GTF3C2: variants seen among roughly 807,000 people sequenced by gnomAD.
The protein encoded by GTF3C2 is general transcription factor 3C polypeptide 2.
Under a neutral mutation model 117.4 loss-of-function variants are expected in GTF3C2, and 17 were observed. The ratio of observed to expected loss-of-function variants is 0.14; its 90% CI spans 0.10 to 0.22. The LOEUF is 0.22. Among genes scored for constraint, GTF3C2 ranks in the 10% least tolerant of loss-of-function variants. GTF3C2 has a pLI of 1.00. For synonymous variants in GTF3C2, 437 were observed against 427.0 expected, an observed-to-expected ratio of 1.02 and a Z score of -0.29; for missense variants, 888 against 1,143.6, an observed-to-expected ratio of 0.78 and a Z score of 3.22.
At chr2:27,348,232 A>G (rs1337105748) in intron 1 of GTF3C2, among the ~76,000 whole-genome samples, 1 of 148,980 alleles carries the variant, frequency 6.7e-6, no homozygotes, top group African/African-American at 2.5e-5. Context: ...GTGCCATTGC[A>G]CTCCAGCCTG....
intron 1 of GTF3C2, chr2:27,350,526 G>A (rs986197174): frequency 6.0e-5 from 59 of 985,178 alleles, no homozygotes; most frequent in Non-Finnish European, 6.7e-5. Context: ...TGGGCTGGGC[G>A]CAGTGGCTCA....
chr2:27,328,398 A>G, intron 16 of GTF3C2, 70 bp downstream of exon 16: 1 of 1,523,098 alleles, frequency 6.6e-7, no homozygotes, highest in Non-Finnish European at 9.1e-7. Flanking sequence ...ACTAGTTTGT[A>G]CTCTACCAGA....
chr2:27,335,601 G>A (rs1306266659), exon 10 of GTF3C2: 10 of 1,520,384 alleles, frequency 6.6e-6, no homozygotes, highest in Non-Finnish European at 8.9e-6. Context: ...TACTCACCTG[G>A]GGGTTGCTGA....
At chr2:27,343,040 G>A in exon 3 of GTF3C2, 2 of 1,614,046 alleles carry the variant, frequency 1.2e-6, no homozygotes, top group Non-Finnish European at 1.7e-6. Flanking sequence ...GCTGATGGAG[G>A]ATTAGGCTGT....
chr2:27,355,976 A>T (rs960090048), intron 1 of GTF3C2: 20 of 601,574 alleles, frequency 3.3e-5, no homozygotes, highest in Admixed American at 7.6e-5. Context: ...CAATTTAAAG[A>T]GAACTATTCA....
chr2:27,343,081 C>T, exon 3 of GTF3C2: 1 of 1,612,786 alleles, frequency 6.2e-7, no homozygotes, highest in South Asian at 1.1e-5. Context: ...TCGTGTCCTA[C>T]CACCTCTCTT....
At chr2:27,355,863 T>G (rs944436370) in intron 1 of GTF3C2, among the ~76,000 whole-genome samples, 5 of 152,234 alleles carry the variant, frequency 3.3e-5, no homozygotes, top group African/African-American at 1.2e-4. Context: ...GACTAGTGCT[T>G]TTATTTCAAC....
intron 12 of GTF3C2, among the ~76,000 whole-genome samples, chr2:27,333,343 T>C (rs763079015): frequency 2.0e-5 from 3 of 151,118 alleles, no homozygotes; most frequent in Non-Finnish European, 4.4e-5. Context: ...TTGGTAGAGA[T>C]AGGGTTTCGC....
exon 5 of GTF3C2, chr2:27,337,939 G>C (rs759008988): frequency 6.3e-7 from 1 of 1,599,120 alleles, no homozygotes; most frequent in Non-Finnish European, 8.6e-7. Flanking sequence ...TCCTTGGTGA[G>C]ATGGAGGCAC....
intron 12 of GTF3C2, among the ~76,000 whole-genome samples, chr2:27,330,424 T>C (rs924036391): frequency 9.9e-5 from 15 of 151,006 alleles, no homozygotes; most frequent in African/African-American, 3.7e-4. Context: ...ATCACGCCAG[T>C]GCACTCCAGC....
rs1370658688 is a variant in GTF3C2 at position 27,334,019 on chromosome 2, G to C, written c.1577-20C>G. 1.3e-6 allele frequency: 2 copies of C among 1,599,444 alleles called. No homozygotes were observed. Among genetic ancestry groups the C allele is most frequent in the Non-Finnish European group, 1.7e-6 (2 of 1,167,346 alleles). On this transcript the variant is annotated intron_variant, in intron 10 of 18. Transcript: ENST00000264720. ...CTGCATCTGTGAGGAAAAAGAGCAG[G>C]AACTAACTCTATGGATCCCAAGGAC...
Position 27,337,346 on chromosome 2 carries a change from G to T in GTF3C2, c.1029-4C>A, listed in dbSNP as rs1306468022. 1.9e-6 allele frequency: 3 copies of T among 1,597,806 alleles called. No homozygotes were observed. The highest frequency in any genetic ancestry group is 2.6e-6 in the Non-Finnish European group (3 of 1,165,308). On this transcript the variant is annotated splice_polypyrimidine_tract_variant and splice_region_variant and intron_variant, in intron 6 of 18. Transcript: ENST00000264720. ...GGGCAGGTAGGGAGCGGCCTCACTG[G>T]GGGAAGACAAAGGGAACAGTCTAAA...
At chr2:27,327,030 G>GA in intron 18 of GTF3C2, 137 bp from the exon 19 acceptor site, 1 of 689,750 alleles carries the variant, frequency 1.4e-6, no homozygotes. Context: ...AGGTAAGAAT[G>GA]AAAAGCCAGT....
chr2:27,329,373 C>T lies in GTF3C2; in HGVS notation c.1877+6G>A. On this transcript the variant is annotated splice_donor_region_variant and intron_variant, in intron 13 of 18. Coordinates refer to ENST00000264720, the Ensembl canonical transcript of GTF3C2. The surrounding 1 kb of genome is among the most constrained non-coding windows in gnomAD (Gnocchi z 4.5). ...CTTCCCCCTCCACATACCTCCTATT[C>T]CATACCTGTTAGCTTTGCACCATTG... The T allele has an allele frequency of 6.2e-7, 1 of 1,614,152 alleles. No individual in the cohort carries two copies.
intron 1 of GTF3C2, among the ~76,000 whole-genome samples, chr2:27,352,026 C>A (rs1472536771): frequency 6.6e-6 from 1 of 152,210 alleles, no homozygotes; most frequent in Non-Finnish European, 1.5e-5. Context: ...GATCTCCCAT[C>A]ATTACAGCTA....
chr2:27,332,120 TAA>T (rs1680293101), intron 12 of GTF3C2, among the ~76,000 whole-genome samples: 1 of 152,146 alleles, frequency 6.6e-6, no homozygotes, highest in Non-Finnish European at 1.5e-5. Context: ...TCTATAAAAT[TAA>T]GATATAATTA....
At chr2:27,327,026 G>A in intron 18 of GTF3C2, 133 bp from the exon 19 acceptor site, 1 of 694,574 alleles carries the variant, frequency 1.4e-6, no homozygotes, top group South Asian at 1.9e-5. Flanking sequence ...ACAGAGGTAA[G>A]AATGAAAAGC....
At chr2:27,348,688 C>G (rs1247255617) in intron 1 of GTF3C2, among the ~76,000 whole-genome samples, 1 of 151,902 alleles carries the variant, frequency 6.6e-6, no homozygotes. Context: ...CCTGTGATCC[C>G]AGCTACTCAG....
At chr2:27,338,414 CCT>C (rs1305415646) in intron 4 of GTF3C2, among the ~76,000 whole-genome samples, 2 of 152,064 alleles carry the variant, frequency 1.3e-5, no homozygotes, top group Non-Finnish European at 2.9e-5. Context: ...CCCCAGAGTT[CCT>C]GTCGTCTTCT....
Sources: allele counts gnomAD v4.1 joint callset (sites outside exome capture counted in the v4.1 genomes callset), GRCh38; gene constraint gnomAD v4.1.1; non-coding constraint Gnocchi (gnomAD v3.1); transcripts MANE v1.5; gene names NCBI Gene and HGNC (gene_info 2026-07-23, HGNC 2026-07-21).